The following SQSTM1 variants were observed in gnomAD, a reference collection of about 807,000 sequenced individuals.
The protein encoded by SQSTM1 is sequestosome 1.
A neutral mutation model predicts 45.1 loss-of-function variants in SQSTM1; 36 were observed. The ratio of observed to expected loss-of-function variants is 0.80; its 90% confidence interval spans 0.61 to 1.05. The LOEUF is 1.05. SQSTM1 is among the 50% of genes least tolerant of loss of function. SQSTM1 has a pLI of 0.00. For synonymous variants in SQSTM1, 290 were observed against 244.3 expected, an observed-to-expected ratio of 1.19 and a Z score of -1.74; for missense variants, 617 against 607.1, an observed-to-expected ratio of 1.02 and a Z score of -0.17.
At position 179,833,117 on chromosome 5, in the gene SQSTM1, G is replaced by A. The variant is rs1758320398; in HGVS notation, c.840G>A (p.Glu280=). Residue 280 remains glutamate, a synonymous_variant, in exon 6 of 8, where the codon GAG becomes GAA. Coordinates refer to ENST00000389805, the MANE Select transcript of SQSTM1 (RefSeq NM_003900.5). ...CTCCAGAGAGTTCCAGCACAGAGGA[G>A]AAGAGCAGCTCACAGCCAAGCAGCT... ...PVSPESSSTE[E]KSSSQPSSCC... The A allele has an allele frequency of 2.5e-6, 4 of 1,614,232 alleles. No individual in the cohort carries two copies. In the South Asian group the frequency reaches 3.3e-5, roughly 13 times the overall value.
upstream of SQSTM1, chr5:179,820,706 G>T: frequency 2.2e-6 from 1 of 462,612 alleles, no homozygotes; most frequent in Non-Finnish European, 3.8e-6. Flanking sequence ...TGAAGAGAGG[G>T]GTCAGCAATG....
At chr5:179,821,600 G>A (rs749957856) in intron 1 of SQSTM1, 2 of 445,532 alleles carry the variant, frequency 4.5e-6, no homozygotes, top group Non-Finnish European at 4.5e-6. Flanking sequence ...CGCCGGCGAG[G>A]GGAGGGAGTG....
chr5:179,812,020 G>C (rs930271144), intron 2 of SQSTM1: 1 of 152,074 alleles, frequency 6.6e-6, no homozygotes, highest in Non-Finnish European at 1.5e-5. Flanking sequence ...TAGCCAGGAT[G>C]GTCTCGATCT....
At chr5:179,836,250 G>A (rs571086975) in intron 7 of SQSTM1, 186 bp from the exon 8 acceptor site, 518 of 744,878 alleles carry the variant, frequency 7.0e-4, no homozygotes, top group Non-Finnish European at 9.0e-4. Flanking sequence ...GTTGAGCAGT[G>A]TGAAAAAGAC....
Position 179,822,999 on chromosome 5 carries a change from T to TA in SQSTM1, c.247_248insA (p.Leu83TyrfsTer11). 1 of 1,614,140 alleles carries TA rather than the reference T, an allele frequency of 6.2e-7. No individual in the cohort carries two copies. On this transcript the variant is annotated frameshift_variant, in exon 2 of 8. Coordinates refer to ENST00000389805, the MANE Select transcript of SQSTM1 (RefSeq NM_003900.5). LOFTEE classifies it high-confidence loss of function. ...GGTTGCCTTTTCCAGTGACGAGGAA[T>TA]TGACAATGGCCATGTCCTACGTGAA...
chr5:179,836,998 G>C lies in SQSTM1; in HGVS notation c.*405G>C, dbSNP rs1758596610. The stretch of plus-strand genomic sequence containing the variant: ...TTCTGCTACAGACCTGGTACACTCT[G>C]ATTTTAGATAAAGTAAGCCTAGGTG... On this transcript the variant is annotated 3_prime_UTR_variant, in exon 8 of 8. Transcript: ENST00000389805. The C allele has an allele frequency of 1.6e-6, 1 of 613,744 alleles. No homozygotes were observed. Among genetic ancestry groups the C allele is most frequent in the Non-Finnish European group, 2.9e-6 (1 of 347,138 alleles). The allele number at this position is 613,744 out of a possible 1,614,324, so 38.0% of individuals were successfully genotyped here. A position where few individuals can be genotyped will look rare whatever the true frequency, so the allele number is the denominator to read the frequency against.
At chr5:179,808,743 A>C (rs1160904578) in intron 1 of SQSTM1, among the ~76,000 whole-genome samples, 2 of 152,214 alleles carry the variant, frequency 1.3e-5, no homozygotes, top group African/African-American at 4.8e-5. Context: ...ATTTGAGCTC[A>C]TCAGTTCAAG....
rs1758356124 is a variant in SQSTM1, at chr5:179,833,676, C to T, written c.1059C>T (p.Leu353=). 6.2e-7 allele frequency: 1 copy of T among 1,614,158 alleles called. No homozygotes were observed. Among genetic ancestry groups the T allele is most frequent in the East Asian group, 2.2e-5 (1 of 44,872 alleles). ...AAGTGGACCCGTCTACAGGTGAACT[C>T]CAGTCCCTACAGATGCCAGAATCCG... ...SKEVDPSTGE[L]QSLQMPESEG... Residue 353 remains leucine, a synonymous_variant, in exon 7 of 8, where the codon CTC becomes CTT. Coordinates refer to ENST00000389805, the MANE Select transcript of SQSTM1 (RefSeq NM_003900.5).
intron 5 of SQSTM1, among the ~76,000 whole-genome samples, chr5:179,829,471 A>G (rs1333426250): frequency 6.6e-6 from 1 of 152,200 alleles, no homozygotes; most frequent in Non-Finnish European, 1.5e-5. Flanking sequence ...CACATGGGAG[A>G]AAAGGTCTTA....
At chr5:179,811,291 G>A (rs1401950237) in intron 1 of SQSTM1, among the ~76,000 whole-genome samples, 1 of 150,828 alleles carries the variant, frequency 6.6e-6, no homozygotes, top group African/African-American at 2.4e-5. Context: ...GGAAGAACTG[G>A]GTAGAGCCAC....
In SQSTM1 at chr5:179,837,303, G is replaced by C. The variant is rs149508576; in HGVS notation, c.*710G>C. 7.3e-4 allele frequency: 1,165 copies of C among 1,601,906 alleles called. 4 individuals are homozygous for C. The Middle Eastern group carries it at 0.011, about 15-fold the overall frequency. ...ATTGACAGTAAGTTTATTGTTAATG[G>C]TTCTTACAGAGTATCTTTAAAAGTG... On this transcript the variant is annotated 3_prime_UTR_variant, in exon 8 of 8. Coordinates refer to ENST00000389805, the MANE Select transcript of SQSTM1 (RefSeq NM_003900.5).
chr5:179,826,506 T>C (rs1429406222), intron 5 of SQSTM1, among the ~76,000 whole-genome samples: 3 of 151,924 alleles, frequency 2.0e-5, no homozygotes, highest in Non-Finnish European at 4.4e-5. Flanking sequence ...CATCTTGGCA[T>C]TGCTTCTGAA....
At chr5:179,836,338 A>G in intron 7 of SQSTM1, 98 bp from the exon 8 acceptor site, 1 of 1,546,748 alleles carries the variant, frequency 6.5e-7, no homozygotes, top group Non-Finnish European at 8.9e-7. Flanking sequence ...GGACACTGGC[A>G]GACCCTGGTC....
At chr5:179,820,460 G>A (rs1757730710), upstream of SQSTM1, 1 of 154,722 alleles carries the variant, frequency 6.5e-6, no homozygotes, top group Non-Finnish European at 1.4e-5. Context: ...AGCTTGTTCT[G>A]GCCAGCAGTG....
At chr5:179,832,531 C>G (rs909087922) in intron 5 of SQSTM1, among the ~76,000 whole-genome samples, 8 of 152,220 alleles carry the variant, frequency 5.3e-5, no homozygotes, top group African/African-American at 1.9e-4. Context: ...CATGGCCTTC[C>G]ATCACTGTGG....
chr5:179,827,377 T>C (rs1003553913), intron 5 of SQSTM1, among the ~76,000 whole-genome samples: 1 of 152,182 alleles, frequency 6.6e-6, no homozygotes, highest in African/African-American at 2.4e-5. Flanking sequence ...TCTTGGCTCC[T>C]GGGTTCACGC....
At chr5:179,834,083 C>G (rs377146705) in intron 7 of SQSTM1, among the ~76,000 whole-genome samples, 119 of 148,926 alleles carry the variant, frequency 8.0e-4, no homozygotes, top group African/African-American at 2.8e-3. Flanking sequence ...AGGTGTGACA[C>G]AGAGAGGGGG....
chr5:179,829,923 C>A (rs1345579), intron 5 of SQSTM1, among the ~76,000 whole-genome samples: 14,420 of 152,168 alleles, frequency 0.095, 910 homozygotes, highest in Admixed American at 0.16. Context: ...TAGGGAGACA[C>A]CATCCCCCAC....
At position 179,806,536 on chromosome 5, in the gene SQSTM1, C is replaced by T. The variant is rs779964578; in HGVS notation, c.-212C>T. 1 of 1,337,222 alleles carries T rather than the reference C, an allele frequency of 7.5e-7. No homozygotes were observed. Among genetic ancestry groups the T allele is most frequent in the South Asian group, 1.4e-5 (1 of 70,896 alleles). The allele number at this position is 1,337,222 out of a possible 1,614,324, so 82.8% of individuals were successfully genotyped here. On this transcript the variant is annotated 5_prime_UTR_variant, in exon 1 of 6. Coordinates refer to the SQSTM1 transcript ENST00000514093. The surrounding 1 kb of genome is among the most constrained non-coding windows in gnomAD (Gnocchi z 4.6). ...ACCAGGACAGCGAGAGGAAGGCGCA[C>T]AGGCAGAAGAGCAGCAGCGTCAGGA...
Sources: allele counts gnomAD v4.1 joint callset (sites outside exome capture counted in the v4.1 genomes callset), GRCh38; gene constraint gnomAD v4.1.1; non-coding constraint Gnocchi (gnomAD v3.1); transcripts MANE v1.5; gene names NCBI Gene and HGNC (gene_info 2026-07-23, HGNC 2026-07-21).